Variants in SHROOM3 observed in about 807,000 individuals in gnomAD.
SHROOM3 encodes protein Shroom3.
A neutral mutation model predicts 138.6 loss-of-function variants in SHROOM3; 47 were observed. The ratio of observed to expected loss-of-function variants is 0.34; its 90% CI spans 0.27 to 0.43. SHROOM3 has a LOEUF of 0.43. SHROOM3 is among the 20% of genes least tolerant of loss of function. The probability of loss-of-function intolerance (pLI) is 1.00; values close to 1 mark genes in which losing one functional copy is unlikely to be tolerated. For missense variants in SHROOM3, 2,491 were observed against 2,596.5 expected (o/e 0.96, Z 0.88); for synonymous variants, 1,062 against 1,063.3 (o/e 1.00, Z 0.02).
At chr4:76,698,426 A>T (rs1719808238) in intron 2 of SHROOM3, among the ~76,000 whole-genome samples, 1 of 152,134 alleles carries the variant, frequency 6.6e-6, no homozygotes, top group South Asian at 2.1e-4. Flanking sequence ...TTTCCCAATG[A>T]ATGACAATCT....
At chr4:76,475,015 C>G (rs1731456106) in intron 1 of SHROOM3, among the ~76,000 whole-genome samples, 1 of 151,980 alleles carries the variant, frequency 6.6e-6, no homozygotes, top group Non-Finnish European at 1.5e-5. Context: ...TTTGATTCAT[C>G]TCTGCGTCTT....
chr4:76,644,920 CTAGTACTTATG>C (rs1226713059), intron 2 of SHROOM3, among the ~76,000 whole-genome samples: 5 of 152,134 alleles, frequency 3.3e-5, no homozygotes, highest in African/African-American at 9.7e-5. Context: ...ACAAGAAAAG[CTAGTACTTATG>C]TAGTACTTAT....
intron 10 of SHROOM3, among the ~76,000 whole-genome samples, chr4:76,777,677 T>G (rs1722611785): frequency 6.6e-6 from 1 of 152,222 alleles, no homozygotes. Flanking sequence ...TTGTTCCAGT[T>G]CTCAGGGGGA....
At chr4:76,733,171 T>G (rs1303830613) in intron 4 of SHROOM3, among the ~76,000 whole-genome samples, 2 of 152,182 alleles carry the variant, frequency 1.3e-5, no homozygotes, top group African/African-American at 4.8e-5. Flanking sequence ...AGATAAGCAC[T>G]GCAATCAGTA....
At chr4:76,668,848 A>G (rs185376032) in intron 2 of SHROOM3, among the ~76,000 whole-genome samples, 7 of 152,324 alleles carry the variant, frequency 4.6e-5, no homozygotes, top group African/African-American at 1.7e-4. Flanking sequence ...TCAGACCAAC[A>G]TGACATTCTC....
chr4:76,561,986 G>A (rs1331657127), intron 2 of SHROOM3, among the ~76,000 whole-genome samples: 1 of 151,958 alleles, frequency 6.6e-6, no homozygotes, highest in Non-Finnish European at 1.5e-5. Context: ...ACTCCAGCTT[G>A]GGCAACAAGA....
In SHROOM3 at chr4:76,624,554, G is replaced by T. The variant is rs889071025; in HGVS notation, c.323+68791G>T. ...TCGGGTTTCCAAGGGTGGGTGAGGGGCATGAGAATTCCCAGCAGTTACCAC... is the reference window on the plus strand; with the variant it reads ...TCGGGTTTCCAAGGGTGGGTGAGGGTCATGAGAATTCCCAGCAGTTACCAC... On this transcript the variant is annotated intron_variant, in intron 2 of 10. Transcript: ENST00000296043. Among the ~76,000 whole-genome samples the T allele has an allele frequency of 2.0e-5, 3 of 152,096 alleles. No homozygotes were observed. In the South Asian group the frequency reaches 6.2e-4, roughly 32 times the overall value.
intron 3 of SHROOM3, 138 bp downstream of exon 3, chr4:76,710,425 G>A (rs1195474806): frequency 4.9e-6 from 5 of 1,025,944 alleles, no homozygotes; most frequent in East Asian, 2.6e-5. Context: ...GGCAGAACAA[G>A]GAGGCGAGAT....
intron 2 of SHROOM3, among the ~76,000 whole-genome samples, chr4:76,696,306 C>T (rs1719726581): frequency 6.6e-6 from 1 of 152,360 alleles, no homozygotes; most frequent in South Asian, 2.1e-4. Flanking sequence ...CCCCCAGCCT[C>T]TTTCCCTCTA....
chr4:76,502,474 G>A (rs1042416272), intron 1 of SHROOM3, among the ~76,000 whole-genome samples: 2 of 152,118 alleles, frequency 1.3e-5, no homozygotes, highest in African/African-American at 2.4e-5. Context: ...CCCTCAACTT[G>A]TGGGACCTGA....
intron 1 of SHROOM3, among the ~76,000 whole-genome samples, chr4:76,535,423 C>G (rs569615233): frequency 2.6e-5 from 4 of 152,238 alleles, no homozygotes; most frequent in African/African-American, 7.2e-5. Flanking sequence ...GGGAGCAATT[C>G]TCTCTTAGGA....
At chr4:76,585,220 C>A (rs1734128312) in intron 2 of SHROOM3, among the ~76,000 whole-genome samples, 1 of 152,098 alleles carries the variant, frequency 6.6e-6, no homozygotes, top group African/African-American at 2.4e-5. Flanking sequence ...GGGGCATGCT[C>A]CCTTTCTCTC....
At chr4:76,517,432 A>C (rs911832170) in intron 1 of SHROOM3, among the ~76,000 whole-genome samples, 1 of 152,180 alleles carries the variant, frequency 6.6e-6, no homozygotes, top group African/African-American at 2.4e-5. Context: ...CTAACCCTGC[A>C]TGCCCAGGGC....
At chr4:76,710,688 C>T in intron 3 of SHROOM3, among the ~76,000 whole-genome samples, 1 of 152,134 alleles carries the variant, frequency 6.6e-6, no homozygotes, top group Non-Finnish European at 1.5e-5. Context: ...CATCTTTGAA[C>T]TAATCTTCAT....
chr4:76,710,332 C>A (rs1255867634), intron 3 of SHROOM3, 45 bp downstream of exon 3: 1 of 1,611,002 alleles, frequency 6.2e-7, no homozygotes. Flanking sequence ...AAAAAGAACC[C>A]AGTCCAAAAA....
In SHROOM3 at chr4:76,741,016, T is replaced by A; in HGVS notation, c.2843T>A (p.Leu948Gln). The A allele has an allele frequency of 6.7e-7, 1 of 1,486,032 alleles. No individual in the cohort carries two copies. The highest frequency in any genetic ancestry group is 1.4e-5 in the South Asian group (1 of 70,954). The allele number at this position is 1,486,032 out of a possible 1,614,324, so 92.1% of individuals were successfully genotyped here. ...ATSFRRRDLE[L>Q]GAPVASRSWR... is the part of the protein sequence containing the mutation. ...TCCTTTCGACGTCGAGACCTGGAGC[T>A]GGGGGCGCCCGTGGCGTCGAGGTCC... The change falls in exon 5 of 11, where the codon CTG becomes CAG. Residue 948 changes from leucine to glutamine, a missense_variant. This residue lies in a region of SHROOM3 where 1,733 missense variants were observed against 1,661.6 expected (regional missense o/e 1.04). Coordinates refer to ENST00000296043, the MANE Select transcript of SHROOM3 (RefSeq NM_020859.4). This position sits in a 1 kb window ranked among gnomAD's most constrained non-coding sequence, Gnocchi z 6.2.
intron 1 of SHROOM3, among the ~76,000 whole-genome samples, chr4:76,549,966 C>T (rs1326633146): frequency 6.6e-6 from 1 of 152,128 alleles, no homozygotes; most frequent in Non-Finnish European, 1.5e-5. Context: ...GGAATCCTGG[C>T]ACCAAGCAAA....
At chr4:76,650,603 G>A (rs550677989) in intron 2 of SHROOM3, among the ~76,000 whole-genome samples, 11 of 151,806 alleles carry the variant, frequency 7.2e-5, no homozygotes, top group South Asian at 6.2e-4. Flanking sequence ...GGAGTGCAGC[G>A]GTACGATCTC....
At chr4:76,684,333 A>C (rs1719276274) in intron 2 of SHROOM3, among the ~76,000 whole-genome samples, 1 of 152,184 alleles carries the variant, frequency 6.6e-6, no homozygotes, top group Non-Finnish European at 1.5e-5. Flanking sequence ...TGTCTCCATA[A>C]GGACAAGAAC....
Sources: gnomAD v4.1 joint callset for allele counts (sites outside exome capture counted in the v4.1 genomes callset) on GRCh38, gnomAD v4.1.1 for gene constraint, gnomAD v4.1.1 regional missense constraint, Gnocchi (gnomAD v3.1) non-coding constraint, MANE v1.5 for transcripts, NCBI Gene and HGNC (gene_info 2026-07-23, HGNC 2026-07-21) for gene names.